SRD5A1: variants seen among roughly 807,000 people sequenced by gnomAD.
The protein encoded by SRD5A1 is 3-oxo-5-alpha-steroid 4-dehydrogenase 1.
A neutral mutation model predicts 28.2 loss-of-function variants in SRD5A1; 22 were observed. The ratio of observed to expected loss-of-function variants is 0.78; its 90% CI spans 0.56 to 1.12. The LOEUF (loss-of-function observed/expected upper bound fraction) is 1.12, where lower values mean the gene tolerates loss of function less well. Ranked by LOEUF, SRD5A1 falls within the 50% of genes most tolerant of loss-of-function variation. SRD5A1 has a pLI of 0.00. For missense variants in SRD5A1, 300 were observed against 346.7 expected, an observed-to-expected ratio of 0.87 and a Z score of 1.07; for synonymous variants, 151 against 135.0, an observed-to-expected ratio of 1.12 and a Z score of -0.82.
rs1739255215 is a variant in SRD5A1, at chr5:6,668,396, T to C, written c.*128T>C. The C allele has an allele frequency of 3.5e-6, 2 of 571,402 alleles. No individual in the cohort carries two copies. Among genetic ancestry groups the C allele is most frequent in the Admixed American group, 8.1e-5 (2 of 24,830 alleles). 35.4% of individuals were successfully genotyped at this position (571,402 alleles called of 1,614,324 possible). A position where few individuals can be genotyped will look rare whatever the true frequency, so the allele number is the denominator to read the frequency against. ...TCATTTTCAAGATGTCCTCTAGGAA[T>C]TTTTTTTCTAGTAATTTTGCAATCT... is the stretch of plus-strand genomic sequence containing the variant. On this transcript the variant is annotated 3_prime_UTR_variant, in exon 5 of 5. Coordinates refer to ENST00000274192, the MANE Select transcript of SRD5A1 (RefSeq NM_001047.4).
rs1049283585 is a variant in SRD5A1 at position 6,668,981 on chromosome 5, A to C, written c.*713A>C. ...CCTGTGTGAGTGGCTCCTGGGCCCT[A>C]AACAGGCACCTTTAGGCCATGGGTC... On this transcript the variant is annotated 3_prime_UTR_variant, in exon 5 of 5. Transcript: ENST00000274192. 1 of 152,228 alleles carries C rather than the reference A, an allele frequency of 6.6e-6. No homozygotes were observed. Among genetic ancestry groups the C allele is most frequent in the African/African-American group, 2.4e-5 (1 of 41,442 alleles). 9.4% of individuals were successfully genotyped at this position (152,228 alleles called of 1,614,324 possible). A position where few individuals can be genotyped will look rare whatever the true frequency, so the allele number is the denominator to read the frequency against.
At chr5:6,662,681 CTGAT>C (rs1252997995) in intron 3 of SRD5A1, 131 bp from the exon 4 acceptor site, 22 of 965,032 alleles carry the variant, frequency 2.3e-5, no homozygotes, top group Admixed American at 1.2e-4. Context: ...ATATGTCTTA[CTGAT>C]TAACATTCTG....
At chr5:6,649,936 T>C (rs947843346) in intron 1 of SRD5A1, among the ~76,000 whole-genome samples, 2 of 152,162 alleles carry the variant, frequency 1.3e-5, no homozygotes, top group Non-Finnish European at 2.9e-5. Context: ...GCAGTAATAT[T>C]GCCCAAAAAG....
chr5:6,659,596 C>T (rs536661972), intron 3 of SRD5A1, among the ~76,000 whole-genome samples: 4 of 152,126 alleles, frequency 2.6e-5, no homozygotes, highest in African/African-American at 4.8e-5. Flanking sequence ...GAGCGTCTGC[C>T]GTTTGCAGGT....
chr5:6,640,851 T>A (rs911105341), intron 1 of SRD5A1, among the ~76,000 whole-genome samples: 6 of 152,254 alleles, frequency 3.9e-5, no homozygotes, highest in Admixed American at 2.0e-4. Flanking sequence ...TATGACACAT[T>A]ACTCAACATC....
intron 4 of SRD5A1, among the ~76,000 whole-genome samples, chr5:6,664,436 A>G (rs8192227): frequency 0.061 from 9,303 of 151,956 alleles, 423 homozygotes; most frequent in African/African-American, 0.12. Flanking sequence ...ACAGCATCTC[A>G]CTCTGTCACC....
intron 3 of SRD5A1, among the ~76,000 whole-genome samples, chr5:6,657,628 G>A (rs991558683): frequency 6.6e-6 from 1 of 152,236 alleles, no homozygotes; most frequent in Admixed American, 6.5e-5. Context: ...GAATGAAAAG[G>A]TGCAGAAGAT....
At chr5:6,655,972 A>G in intron 2 of SRD5A1, 106 bp from the exon 3 acceptor site, 1 of 791,950 alleles carries the variant, frequency 1.3e-6, no homozygotes, top group Non-Finnish European at 2.1e-6. Flanking sequence ...TTACACTAAC[A>G]ATGGTAATCT....
intron 2 of SRD5A1, chr5:6,653,618 A>G (rs187661731): frequency 6.6e-6 from 1 of 152,328 alleles, no homozygotes; most frequent in Non-Finnish European, 1.5e-5. Context: ...CACCTCACCA[A>G]GCTGAGCTTC....
chr5:6,656,037 G>C (rs1226118903), intron 2 of SRD5A1, 41 bp from the exon 3 acceptor site: 1 of 1,485,042 alleles, frequency 6.7e-7, no homozygotes, highest in Non-Finnish European at 9.4e-7. Flanking sequence ...GAAATTTTAC[G>C]GTTTATTAGC....
chr5:6,645,169 A>G, intron 1 of SRD5A1: 1 of 367,364 alleles, frequency 2.7e-6, no homozygotes, highest in South Asian at 2.0e-5. Flanking sequence ...TTGAGGATGC[A>G]CAGCCAGCAT....
chr5:6,654,299 C>G (rs1227400673), intron 2 of SRD5A1, among the ~76,000 whole-genome samples: 3 of 152,064 alleles, frequency 2.0e-5, no homozygotes, highest in Non-Finnish European at 4.4e-5. Context: ...TCAGGTGATT[C>G]ACCCGCCTCA....
At chr5:6,650,280 G>T (rs527590554) in intron 1 of SRD5A1, among the ~76,000 whole-genome samples, 1 of 152,054 alleles carries the variant, frequency 6.6e-6, no homozygotes, top group South Asian at 2.1e-4. Context: ...GTGTGGTGGT[G>T]TGTGCCTGAG....
At position 6,670,619 on chromosome 5, in the gene SRD5A1, G is replaced by A. The variant is rs999546116; in HGVS notation, c.*2351G>A. On this transcript the variant is annotated 3_prime_UTR_variant, in exon 5 of 5. Transcript: ENST00000274192. ...AGCAGTGGGTGCTGAGGACGGATGG[G>A]TAGAAAAAACAGTCCTGGCCCAGGT... The A allele has an allele frequency of 1.2e-4, 19 of 152,190 alleles. No homozygotes were observed. Among genetic ancestry groups the A allele is most frequent in the African/African-American group, 4.6e-4 (19 of 41,442 alleles). The allele number at this position is 152,190 out of a possible 1,614,324, so 9.4% of individuals were successfully genotyped here.
rs918802600 is a variant in SRD5A1 at position 6,669,536 on chromosome 5, A to G, written c.*1268A>G. Reference sequence around the variant, plus strand: ...CCATTTGTTTCAGTTGTCTTTAACAACATAATAAATAGACTTTGCCATTTA... The same window carrying G: ...CCATTTGTTTCAGTTGTCTTTAACAGCATAATAAATAGACTTTGCCATTTA... On this transcript the variant is annotated 3_prime_UTR_variant, in exon 5 of 5. Transcript: ENST00000274192. The G allele has an allele frequency of 2.0e-5, 3 of 152,246 alleles. No individual in the cohort carries two copies. The highest frequency in any genetic ancestry group is 6.5e-5 in the Admixed American group (1 of 15,286). The allele number at this position is 152,246 out of a possible 1,614,324, so 9.4% of individuals were successfully genotyped here.
chr5:6,651,800 T>G, intron 1 of SRD5A1, 42 bp from the exon 2 acceptor site: 1 of 1,542,060 alleles, frequency 6.5e-7, no homozygotes, highest in South Asian at 1.2e-5. Context: ...AATGATTATC[T>G]TTAATTTTTT....
At chr5:6,666,343 T>C (rs1371307467) in intron 4 of SRD5A1, among the ~76,000 whole-genome samples, 1 of 152,006 alleles carries the variant, frequency 6.6e-6, no homozygotes, top group Non-Finnish European at 1.5e-5. Flanking sequence ...AGAGACGGGG[T>C]TTCACCGTGT....
At position 6,633,889 on chromosome 5, in the gene SRD5A1, G is replaced by C; in HGVS notation, c.293+20G>C. 1 of 1,595,384 alleles carries C rather than the reference G, an allele frequency of 6.3e-7. No individual in the cohort carries two copies. Among genetic ancestry groups the C allele is most frequent in the Non-Finnish European group, 8.5e-7 (1 of 1,178,462 alleles). ...GCATCGGTAACGTCCCCGGCCCCCG[G>C]CCCCCTACCCTACTCCCGGCCCGGC... On this transcript the variant is annotated intron_variant, in intron 1 of 4. Coordinates refer to ENST00000274192, the MANE Select transcript of SRD5A1 (RefSeq NM_001047.4).
intron 1 of SRD5A1, among the ~76,000 whole-genome samples, chr5:6,635,744 G>A (rs1738165302): frequency 6.6e-6 from 1 of 152,204 alleles, no homozygotes. Context: ...GCAAAACTGT[G>A]GTGTTGGAAA....
Sources: allele counts gnomAD v4.1 joint callset (sites outside exome capture counted in the v4.1 genomes callset), GRCh38; gene constraint gnomAD v4.1.1; transcripts MANE v1.5; gene names NCBI Gene and HGNC (gene_info 2026-07-23, HGNC 2026-07-21).